Variants in EGFLAM observed in about 807,000 individuals in gnomAD.
EGFLAM encodes EGF like, fibronectin type III and laminin G domains.
A neutral mutation model predicts 113.1 loss-of-function variants in EGFLAM; 79 were observed. The observed-to-expected ratio is 0.70, with a 90% CI of 0.58 to 0.84. The LOEUF is 0.84. EGFLAM is among the 40% of genes least tolerant of loss of function. The pLI, the probability that EGFLAM is intolerant of heterozygous loss-of-function variation, is 0.00. For missense variants in EGFLAM, 1,265 were observed against 1,291.6 expected (o/e 0.98, Z 0.32); for synonymous variants, 504 against 487.6 (o/e 1.03, Z -0.44).
At chr5:38,390,248 A>AT (rs1232389913) in intron 6 of EGFLAM, among the ~76,000 whole-genome samples, 1 of 152,108 alleles carries the variant, frequency 6.6e-6, no homozygotes, top group African/African-American at 2.4e-5. Flanking sequence ...ATGTTTTAGC[A>AT]TTTTTTATAA....
intron 10 of EGFLAM, among the ~76,000 whole-genome samples, chr5:38,411,195 C>T (rs924471948): frequency 6.6e-6 from 1 of 152,050 alleles, no homozygotes; most frequent in African/African-American, 2.4e-5. Flanking sequence ...TTTGGGAGGC[C>T]AAGGTGGGCG....
Position 38,418,332 on chromosome 5 carries a change from T to C in EGFLAM, c.1684+77T>C, listed in dbSNP as rs981168871. On this transcript the variant is annotated intron_variant, in intron 12 of 21. Transcript: ENST00000322350. The stretch of plus-strand genomic sequence containing the variant: ...GGGACTGCCTTTCTGGCTTGGGCCA[T>C]GGAGGGAGCAGCAACATTAGGTGCT... 15 of 1,530,188 alleles carry C rather than the reference T, an allele frequency of 9.8e-6. No individual in the cohort carries two copies. The Admixed American group carries it at 1.0e-4, about 10-fold the overall frequency. 94.8% of individuals were successfully genotyped at this position (1,530,188 alleles called of 1,614,324 possible). A position where few individuals can be genotyped will look rare whatever the true frequency, so the allele number is the denominator to read the frequency against.
Position 38,407,866 on chromosome 5 carries a change from G to A in EGFLAM, c.1209G>A (p.Lys403=). The A allele has an allele frequency of 6.2e-7, 1 of 1,613,856 alleles. No individual in the cohort carries two copies. The highest frequency in any genetic ancestry group is 8.5e-7 in the Non-Finnish European group (1 of 1,179,774). The stretch of plus-strand genomic sequence containing the variant: ...CCTATGTAACGTTTGAACCTCTGAA[G>A]AATTCTTATCAGGCATTTCAAATTA... ...GHSYVTFEPL[K]NSYQAFQITL... The change falls in exon 9 of 22, where the codon AAG becomes AAA. Residue 403 remains lysine, a synonymous_variant. Coordinates refer to ENST00000322350, the MANE Select transcript of EGFLAM (RefSeq NM_152403.4).
chr5:38,296,982 C>T (rs906336805), intron 1 of EGFLAM, among the ~76,000 whole-genome samples: 6 of 151,864 alleles, frequency 4.0e-5, no homozygotes, highest in East Asian at 1.9e-4. Flanking sequence ...ACAAAACAAC[C>T]GACCAGTACT....
chr5:38,452,287 C>T (rs138174702), intron 19 of EGFLAM, among the ~76,000 whole-genome samples: 140 of 152,196 alleles, frequency 9.2e-4, no homozygotes, highest in East Asian at 6.9e-3. Context: ...CCGCTTCGGC[C>T]TCCCAAAGTG....
chr5:38,430,185 A>G (rs1488956207), intron 14 of EGFLAM: 1 of 179,586 alleles, frequency 5.6e-6, no homozygotes, highest in East Asian at 1.3e-4. Context: ...ACTCAGGCCT[A>G]TAGCAGAAAG....
intron 1 of EGFLAM, among the ~76,000 whole-genome samples, chr5:38,289,618 T>G (rs775062977): frequency 5.9e-5 from 9 of 152,186 alleles, no homozygotes; most frequent in Non-Finnish European, 7.3e-5. Flanking sequence ...GAAATGACAC[T>G]AACTTCCACT....
chr5:38,300,375 C>CTT (rs34070893), intron 1 of EGFLAM, among the ~76,000 whole-genome samples: 29 of 140,630 alleles, frequency 2.1e-4, no homozygotes, highest in African/African-American at 3.7e-4. Flanking sequence ...ATCTCTCTCT[C>CTT]TTTTTTTTTT....
chr5:38,315,965 T>C (rs1236650196), intron 1 of EGFLAM, among the ~76,000 whole-genome samples: 1 of 151,534 alleles, frequency 6.6e-6, no homozygotes, highest in Admixed American at 6.6e-5. Flanking sequence ...CAATCCCAGC[T>C]ACTCAGGAGG....
chr5:38,297,463 C>T (rs568683287), intron 1 of EGFLAM, among the ~76,000 whole-genome samples: 7 of 152,254 alleles, frequency 4.6e-5, no homozygotes, highest in African/African-American at 1.7e-4. Flanking sequence ...AATATCTAAT[C>T]TCTTGGCAAT....
At chr5:38,320,136 C>T (rs1188618164) in intron 1 of EGFLAM, among the ~76,000 whole-genome samples, 3 of 152,204 alleles carry the variant, frequency 2.0e-5, no homozygotes, top group Non-Finnish European at 4.4e-5. Context: ...CTCAATAAAT[C>T]GAGGTCTTCA....
chr5:38,350,751 T>A, intron 4 of EGFLAM, 133 bp downstream of exon 4: 2 of 778,992 alleles, frequency 2.6e-6, no homozygotes, highest in Non-Finnish European at 4.1e-6. Context: ...AGAACAAAAG[T>A]AAGCACAGCT....
intron 1 of EGFLAM, among the ~76,000 whole-genome samples, chr5:38,259,162 G>C (rs898916654): frequency 6.6e-6 from 1 of 152,332 alleles, no homozygotes; most frequent in African/African-American, 2.4e-5. Context: ...AATTACAGAG[G>C]ATGGCAACCA....
intron 1 of EGFLAM, among the ~76,000 whole-genome samples, chr5:38,300,539 C>T (rs1288965615): frequency 6.6e-6 from 1 of 152,200 alleles, no homozygotes; most frequent in East Asian, 1.9e-4. Context: ...CCATGCCCAA[C>T]TAATTTTTGT....
intron 3 of EGFLAM, among the ~76,000 whole-genome samples, chr5:38,340,941 G>T (rs1480611511): frequency 6.6e-6 from 1 of 152,106 alleles, no homozygotes; most frequent in Non-Finnish European, 1.5e-5. Flanking sequence ...ATTCAGCAAT[G>T]CAATGGGAGG....
intron 1 of EGFLAM, among the ~76,000 whole-genome samples, chr5:38,276,087 G>T (rs1360534713): frequency 6.6e-6 from 1 of 152,138 alleles, no homozygotes; most frequent in African/African-American, 2.4e-5. Flanking sequence ...ACATGGCTGG[G>T]GAAGCCTCAT....
intron 11 of EGFLAM, among the ~76,000 whole-genome samples, chr5:38,416,080 A>G (rs1477604713): frequency 6.6e-6 from 1 of 152,040 alleles, no homozygotes; most frequent in Non-Finnish European, 1.5e-5. Flanking sequence ...AAAATAAGTA[A>G]TTGCAAGAAG....
chr5:38,319,084 T>C (rs1738675813), intron 1 of EGFLAM, among the ~76,000 whole-genome samples: 1 of 152,146 alleles, frequency 6.6e-6, no homozygotes. Flanking sequence ...TCACCTTGGC[T>C]TTTCCCCAGT....
At chr5:38,289,246 C>T (rs1163799832) in intron 1 of EGFLAM, among the ~76,000 whole-genome samples, 1 of 151,678 alleles carries the variant, frequency 6.6e-6, no homozygotes, top group Non-Finnish European at 1.5e-5. Flanking sequence ...GCTAATTCTT[C>T]TTCCTTGGCA....
Sources: allele counts gnomAD v4.1 joint callset (sites outside exome capture counted in the v4.1 genomes callset), GRCh38; gene constraint gnomAD v4.1.1; transcripts MANE v1.5; gene names NCBI Gene and HGNC (gene_info 2026-07-23, HGNC 2026-07-21).